Variants in NEB observed in about 807,000 individuals in gnomAD.
NEB encodes nemaline myopathy type 2.
NEB carries 512 observed loss-of-function variants against 952.2 expected under a neutral mutation model. That is an observed-to-expected ratio of 0.54 (90% confidence interval 0.50 to 0.58). The LOEUF is 0.58. NEB is among the 20% of genes least tolerant of loss of function. The probability of loss-of-function intolerance (pLI) is 0.00; values close to 1 mark genes in which losing one functional copy is unlikely to be tolerated. For synonymous variants in NEB, 2,900 were observed against 3,149.8 expected (o/e 0.92, Z 2.66); for missense variants, 8,428 against 9,231.1 (o/e 0.91, Z 3.56).
chr2:151,572,247 G>A (rs574316948), intron 107 of NEB, among the ~76,000 whole-genome samples: 4 of 152,082 alleles, frequency 2.6e-5, no homozygotes, highest in African/African-American at 7.2e-5. Flanking sequence ...GCTTGAACCC[G>A]GGAGGCAGAA....
At chr2:151,553,332 C>A (rs2095445695) in intron 127 of NEB, 66 bp downstream of exon 127, 1 of 1,317,120 alleles carries the variant, frequency 7.6e-7, no homozygotes, top group Non-Finnish European at 1.1e-6. Context: ...TTTTACATAA[C>A]CTCCTCTTAA....
rs76737405 is a variant in NEB at position 151,690,341 on chromosome 2, T to C, written c.2310+386A>G. ...ATGTCTGTCTTGTTACTGTGCCCTT[T>C]CTTTTTGCAAAATCTTTGTTAGCAA... On this transcript the variant is annotated intron_variant, in intron 24 of 181. Coordinates refer to ENST00000397345, the MANE Select transcript of NEB (RefSeq NM_001164508.2). The C allele has an allele frequency of 6.0e-3, 1,264 of 210,330 alleles. 27 individuals carry two copies. In the East Asian group the frequency reaches 0.062, roughly 10 times the overall value. The allele number at this position is 210,330 out of a possible 1,614,324, so 13.0% of individuals were successfully genotyped here. A position where few individuals can be genotyped will look rare whatever the true frequency, so the allele number is the denominator to read the frequency against.
chr2:151,512,019 CTTTTTTTTTTTTTTTTTTT>C (rs71403173), intron 161 of NEB, among the ~76,000 whole-genome samples: 1 of 93,568 alleles, frequency 1.1e-5, no homozygotes. Context: ...CCCTCTCACT[CTTTTTTTTTTTTTTTTTTT>C]TTTTTTTTTT....
intron 70 of NEB, among the ~76,000 whole-genome samples, chr2:151,626,188 A>C (rs1272703487): frequency 6.6e-6 from 1 of 150,832 alleles, no homozygotes; most frequent in East Asian, 2.0e-4. Flanking sequence ...GTCACAGCTC[A>C]CTGCAGCCTC....
intron 45 of NEB, among the ~76,000 whole-genome samples, chr2:151,663,172 G>A (rs560249045): frequency 2.0e-5 from 3 of 152,224 alleles, no homozygotes; most frequent in Admixed American, 6.5e-5. Context: ...TGGGAGGGAG[G>A]GGCTGGAGCT....
rs562737744 is a variant in NEB at position 151,688,933 on chromosome 2, C to T, written c.2311-537G>A. Among the ~76,000 whole-genome samples the T allele has an allele frequency of 1.2e-3, 183 of 152,262 alleles. 1 individual carries two copies. Among genetic ancestry groups the T allele is most frequent in the African/African-American group, 3.9e-3 (161 of 41,564 alleles). The stretch of plus-strand genomic sequence containing the variant: ...CTTATGAATTGTTTGTTTCTGGAAT[C>T]TTCCACTTCATATTTTCAGGCCATG... On this transcript the variant is annotated intron_variant, in intron 24 of 181. Transcript: ENST00000397345.
At position 151,516,751 on chromosome 2, in the gene NEB, A is replaced by G. The variant is rs115820899; in HGVS notation, c.22801-188T>C. ...TTGTCTAGGTGTTGAGGGGATGGGTACCATTACTGTCTGCAAGGCATAATT... is the reference window on the plus strand; with the variant it reads ...TTGTCTAGGTGTTGAGGGGATGGGTGCCATTACTGTCTGCAAGGCATAATT... On this transcript the variant is annotated intron_variant, in intron 156 of 181. Coordinates refer to ENST00000397345, the MANE Select transcript of NEB (RefSeq NM_001164508.2). Among the ~76,000 whole-genome samples the G allele has an allele frequency of 6.0e-3, 913 of 152,284 alleles. 6 individuals are homozygous for G. Among genetic ancestry groups the G allele is most frequent in the Middle Eastern group, 0.017 (5 of 294 alleles).
chr2:151,527,162 C>A, intron 147 of NEB, 140 bp from the exon 148 acceptor site: 1 of 644,500 alleles, frequency 1.6e-6, no homozygotes, highest in South Asian at 2.0e-5. Context: ...CTTCTTGGTC[C>A]CTCACTGCAT....
chr2:151,563,775 T>A (rs754134059), intron 118 of NEB, 48 bp downstream of exon 118: 1 of 1,607,662 alleles, frequency 6.2e-7, no homozygotes, highest in Non-Finnish European at 8.5e-7. Flanking sequence ...AGCCCCTTGA[T>A]CCCCAGTAAA....
At chr2:151,631,056 T>A in intron 66 of NEB, 87 bp downstream of exon 66, 1 of 1,533,104 alleles carries the variant, frequency 6.5e-7, no homozygotes, top group Admixed American at 1.8e-5. Context: ...ACCCCACGCC[T>A]TCATAGATAA....
chr2:151,664,110 A>G (rs191326683), intron 44 of NEB, among the ~76,000 whole-genome samples: 5 of 152,132 alleles, frequency 3.3e-5, no homozygotes, highest in Admixed American at 1.3e-4. Context: ...GTTTAGAGAG[A>G]TTTAGAAAGC....
At chr2:151,538,012 AC>A in intron 139 of NEB, 36 bp from the exon 140 acceptor site, 1 of 1,576,584 alleles carries the variant, frequency 6.3e-7, no homozygotes, top group African/African-American at 1.4e-5. Context: ...TGTAAGTCTT[AC>A]CCAAAGTTAA....
chr2:151,505,210 ATAAT>A (rs778558948), intron 165 of NEB, among the ~76,000 whole-genome samples: 20 of 152,338 alleles, frequency 1.3e-4, no homozygotes, highest in Admixed American at 2.6e-4. Context: ...GAATGGCATG[ATAAT>A]TAATTAAGAA....
intron 70 of NEB, 29 bp from the exon 71 acceptor site, chr2:151,625,667 A>C: frequency 6.8e-7 from 1 of 1,478,046 alleles, no homozygotes. Flanking sequence ...TTAATGAATT[A>C]GAAAAACAGT....
rs762989771 is a variant in NEB at position 151,677,670 on chromosome 2, C to T, written c.3669G>A (p.Leu1223=). ...VEKVKKAGDA[L]NEKKYRQHPD... is the part of the protein sequence containing the mutation. The stretch of plus-strand genomic sequence containing the variant: ...GATGTTGCCTGTACTTCTTTTCATT[C>T]AGAGCATCACCGGCCTTTTTAACTT... The change falls in exon 34 of 182, where the codon CTG becomes CTA. Residue 1223 remains leucine (L), a synonymous_variant. Transcript: ENST00000397345. The T allele has an allele frequency of 5.0e-6, 8 of 1,613,950 alleles. No individual in the cohort carries two copies. Among genetic ancestry groups the T allele is most frequent in the Non-Finnish European group, 1.7e-6 (2 of 1,179,874 alleles).
intron 47 of NEB, among the ~76,000 whole-genome samples, chr2:151,658,620 C>T (rs925774402): frequency 3.9e-5 from 6 of 152,148 alleles, no homozygotes; most frequent in African/African-American, 1.4e-4. Flanking sequence ...AATATCAATA[C>T]ATTTGCACAT....
At chr2:151,494,353 C>T in intron 173 of NEB, 100 bp from the exon 174 acceptor site, 1 of 807,184 alleles carries the variant, frequency 1.2e-6, no homozygotes. Flanking sequence ...CTTTAGGGCC[C>T]CAAACCATTT....
intron 23 of NEB, 44 bp from the exon 24 acceptor site, chr2:151,690,869 G>T: frequency 7.3e-7 from 1 of 1,360,638 alleles, no homozygotes; most frequent in East Asian, 2.5e-5. Flanking sequence ...GTATATTCTT[G>T]GTTATACATG....
chr2:151,568,227 A>G, intron 112 of NEB, 49 bp from the exon 113 acceptor site: 2 of 1,591,096 alleles, frequency 1.3e-6, no homozygotes, highest in Non-Finnish European at 1.7e-6. Flanking sequence ...GTCAGAAGGG[A>G]GGGGTAAGTT....
Sources: allele counts gnomAD v4.1 joint callset (sites outside exome capture counted in the v4.1 genomes callset), GRCh38; gene constraint gnomAD v4.1.1; transcripts MANE v1.5; gene names NCBI Gene and HGNC (gene_info 2026-07-23, HGNC 2026-07-21).